Variants in FAM135B observed in about 807,000 individuals in gnomAD.
The protein encoded by FAM135B is family with sequence similarity 135 member B, also known as protein FAM135B.
FAM135B carries 43 observed loss-of-function variants against 127.7 expected under a neutral mutation model. That is an observed-to-expected ratio of 0.34 (90% confidence interval 0.26 to 0.43). The LOEUF (loss-of-function observed/expected upper bound fraction) is 0.43. Among genes scored for constraint, FAM135B ranks in the 20% least tolerant of loss-of-function variants. FAM135B has a pLI of 1.00. For synonymous variants in FAM135B, 670 were observed against 665.1 expected (o/e 1.01, Z -0.11); for missense variants, 1,558 against 1,725.6 (o/e 0.90, Z 1.72).
At chr8:138,395,157 T>C (rs948875888) in intron 1 of FAM135B, among the ~76,000 whole-genome samples, 10 of 152,196 alleles carry the variant, frequency 6.6e-5, no homozygotes, top group African/African-American at 2.4e-4. Context: ...GTGCTACTTA[T>C]CTAATAAGAC....
chr8:138,274,650 CTG>C (rs1442870082), intron 3 of FAM135B, among the ~76,000 whole-genome samples: 4 of 152,114 alleles, frequency 2.6e-5, no homozygotes. Flanking sequence ...TATTTCACCT[CTG>C]CAGTCTCAAC....
chr8:138,347,015 C>T (rs570154994), intron 2 of FAM135B, among the ~76,000 whole-genome samples: 1 of 152,122 alleles, frequency 6.6e-6, no homozygotes, highest in African/African-American at 2.4e-5. Context: ...ATATCTAGCA[C>T]CCTGATTGGT....
chr8:138,397,085 A>G (rs537098122), intron 1 of FAM135B, among the ~76,000 whole-genome samples: 6 of 152,206 alleles, frequency 3.9e-5, no homozygotes, highest in Non-Finnish European at 8.8e-5. Context: ...CCAGGTAGTC[A>G]GTCCCAGTCC....
intron 3 of FAM135B, among the ~76,000 whole-genome samples, chr8:138,298,683 T>C (rs1270548837): frequency 2.0e-5 from 3 of 152,194 alleles, no homozygotes; most frequent in African/African-American, 7.2e-5. Flanking sequence ...CAAGCCAGAC[T>C]GTCTGAGTTA....
intron 1 of FAM135B, among the ~76,000 whole-genome samples, chr8:138,406,608 T>A (rs1265627535): frequency 6.6e-6 from 1 of 151,900 alleles, no homozygotes; most frequent in East Asian, 1.9e-4. Context: ...GTTCAATACA[T>A]GCAAATCAAT....
At chr8:138,177,840 C>CAA in intron 10 of FAM135B, among the ~76,000 whole-genome samples, 1 of 152,316 alleles carries the variant, frequency 6.6e-6, no homozygotes, top group South Asian at 2.1e-4. Context: ...TCATCTTGTT[C>CAA]TAACTAGATG....
rs1057405607 is a variant in FAM135B at position 138,242,707 on chromosome 8, A to G, written c.669+235T>C. Among the ~76,000 whole-genome samples the G allele has an allele frequency of 2.0e-5, 3 of 152,148 alleles. No homozygotes were observed. The highest frequency in any genetic ancestry group is 7.2e-5 in the African/African-American group (3 of 41,440). ...ATATTCTTCCAAGAGACCACATATA[A>G]CAAGTATCATATGAAGACCATATTC... On this transcript the variant is annotated intron_variant, in intron 7 of 19. Coordinates refer to ENST00000395297, the MANE Select transcript of FAM135B (RefSeq NM_015912.4). This position sits in a 1 kb window ranked among gnomAD's most constrained non-coding sequence, Gnocchi z 9.6.
At chr8:138,369,964 A>T (rs1273659375) in intron 1 of FAM135B, among the ~76,000 whole-genome samples, 4 of 152,110 alleles carry the variant, frequency 2.6e-5, no homozygotes, top group African/African-American at 9.7e-5. Flanking sequence ...AAGAGAGACA[A>T]AGGGAGAGCA....
intron 1 of FAM135B, among the ~76,000 whole-genome samples, chr8:138,403,682 C>T (rs920076843): frequency 6.6e-6 from 1 of 152,054 alleles, no homozygotes; most frequent in Non-Finnish European, 1.5e-5. Context: ...GCAGAGCAAC[C>T]CTGAAAACTT....
intron 3 of FAM135B, among the ~76,000 whole-genome samples, chr8:138,269,883 CTT>C (rs1385923877): frequency 1.3e-5 from 2 of 152,318 alleles, no homozygotes; most frequent in Admixed American, 6.5e-5. Flanking sequence ...GATTAAGACT[CTT>C]CAGGTAGGGT....
chr8:138,156,968 C>G (rs556913072), intron 12 of FAM135B, among the ~76,000 whole-genome samples: 4 of 152,306 alleles, frequency 2.6e-5, no homozygotes, highest in African/African-American at 7.2e-5. Context: ...CATCCTGATA[C>G]CAAAGCCTGG....
chr8:138,393,078 G>C (rs1336658369), intron 1 of FAM135B, among the ~76,000 whole-genome samples: 1 of 152,172 alleles, frequency 6.6e-6, no homozygotes, highest in Admixed American at 6.5e-5. Flanking sequence ...GGCAAAGAGA[G>C]CTTGTGCAGA....
chr8:138,272,032 G>T (rs1823423828), intron 3 of FAM135B, among the ~76,000 whole-genome samples: 1 of 150,026 alleles, frequency 6.7e-6, no homozygotes. Flanking sequence ...TCCTTAATTT[G>T]TTTATTCATT....
intron 7 of FAM135B, among the ~76,000 whole-genome samples, chr8:138,203,643 C>T (rs890338528): frequency 3.9e-5 from 6 of 152,114 alleles, no homozygotes; most frequent in Non-Finnish European, 7.3e-5. Flanking sequence ...CACCTTAAAG[C>T]AGTAGTCCCC....
Position 138,141,189 on chromosome 8 carries a change from G to A in FAM135B, c.3790+9C>T. On this transcript the variant is annotated intron_variant, in intron 17 of 19. Transcript: ENST00000395297. The surrounding 1 kb of genome is among the most constrained non-coding windows in gnomAD (Gnocchi z 4.7). ...TTCTGAGGAATGACGAGTCCTAGAAGAATCTTACCTGTACTAACCAGGGTG... is the reference window on the plus strand; with the variant it reads ...TTCTGAGGAATGACGAGTCCTAGAAAAATCTTACCTGTACTAACCAGGGTG... The A allele has an allele frequency of 6.2e-7, 1 of 1,613,720 alleles. No individual in the cohort carries two copies. The highest frequency in any genetic ancestry group is 8.5e-7 in the Non-Finnish European group (1 of 1,179,818).
At chr8:138,357,879 T>C (rs1220178859) in intron 2 of FAM135B, among the ~76,000 whole-genome samples, 1 of 152,060 alleles carries the variant, frequency 6.6e-6, no homozygotes, top group Non-Finnish European at 1.5e-5. Flanking sequence ...AAAGAGAAAA[T>C]GTGATTTATC....
chr8:138,476,025 C>T (rs547802907), intron 1 of FAM135B, among the ~76,000 whole-genome samples: 2 of 152,022 alleles, frequency 1.3e-5, no homozygotes, highest in Non-Finnish European at 2.9e-5. Context: ...AAATGTTATT[C>T]AGCACTGAAA....
intron 1 of FAM135B, among the ~76,000 whole-genome samples, chr8:138,415,351 C>G (rs1360021640): frequency 6.6e-6 from 1 of 152,172 alleles, no homozygotes; most frequent in Non-Finnish European, 1.5e-5. Context: ...CTGTTATTAA[C>G]AGCTCCCTTC....
At chr8:138,287,479 C>A (rs946197565) in intron 3 of FAM135B, among the ~76,000 whole-genome samples, 1 of 147,916 alleles carries the variant, frequency 6.8e-6, no homozygotes, top group African/African-American at 2.5e-5. Context: ...ATCTGCATAC[C>A]CTATGACTAC....
Sources: gnomAD v4.1 joint callset for allele counts (sites outside exome capture counted in the v4.1 genomes callset) on GRCh38, gnomAD v4.1.1 for gene constraint, Gnocchi (gnomAD v3.1) non-coding constraint, MANE v1.5 for transcripts, NCBI Gene and HGNC (gene_info 2026-07-23, HGNC 2026-07-21) for gene names.